The following ZNF33A variants were observed in gnomAD, a reference collection of about 807,000 sequenced individuals.
ZNF33A encodes the protein brain my041 protein.
A neutral mutation model predicts 15.9 loss-of-function variants in ZNF33A; 9 were observed. The observed-to-expected ratio is 0.57, with a 90% CI of 0.34 to 0.99. ZNF33A has a LOEUF of 0.99. ZNF33A is among the 50% of genes least tolerant of loss of function. The pLI, the probability that ZNF33A is intolerant of heterozygous loss-of-function variation, is 0.02. For missense variants in ZNF33A, 843 were observed against 941.6 expected (o/e 0.90, Z 1.37); for synonymous variants, 294 against 324.2 (o/e 0.91, Z 1.00).
At chr10:38,019,377 G>C (rs540639026) in intron 4 of ZNF33A, among the ~76,000 whole-genome samples, 63 of 152,230 alleles carry the variant, frequency 4.1e-4, no homozygotes, top group African/African-American at 1.4e-3. Context: ...TCTTAATCCA[G>C]TCTATTGTTG....
intron 4 of ZNF33A, among the ~76,000 whole-genome samples, chr10:38,041,003 G>GT (rs1461553187): frequency 6.6e-6 from 1 of 152,128 alleles, no homozygotes; most frequent in Non-Finnish European, 1.5e-5. Flanking sequence ...TAACTTGATC[G>GT]TAAGTCAAGG....
chr10:38,013,897 G>A (rs148874404), intron 2 of ZNF33A, among the ~76,000 whole-genome samples: 4 of 152,106 alleles, frequency 2.6e-5, no homozygotes, highest in African/African-American at 9.6e-5. Context: ...CTGCCGTCTT[G>A]TCCCCCTCAC....
intron 4 of ZNF33A, among the ~76,000 whole-genome samples, chr10:38,046,125 CT>C (rs2065938097): frequency 6.6e-6 from 1 of 152,104 alleles, no homozygotes; most frequent in Admixed American, 6.6e-5. Context: ...GGCTCAAGGC[CT>C]TTTGGCAGTT....
At chr10:38,017,892 C>T (rs868491224) in intron 4 of ZNF33A, among the ~76,000 whole-genome samples, 2 of 152,232 alleles carry the variant, frequency 1.3e-5, no homozygotes, top group South Asian at 4.1e-4. Flanking sequence ...GTCAGGAGTT[C>T]CACAACAGCC....
At chr10:38,030,243 C>T (rs532974596) in intron 4 of ZNF33A, among the ~76,000 whole-genome samples, 38 of 152,274 alleles carry the variant, frequency 2.5e-4, no homozygotes, top group African/African-American at 8.9e-4. Context: ...TCACTAGTTG[C>T]ACTGTTAGAC....
downstream of ZNF33A, among the ~76,000 whole-genome samples, chr10:38,066,150 C>G (rs2066707996): frequency 6.6e-6 from 1 of 152,152 alleles, no homozygotes. Context: ...AAACCCTGAC[C>G]ATAGGCTTTT....
intron 4 of ZNF33A, among the ~76,000 whole-genome samples, chr10:38,029,472 A>T (rs1345443365): frequency 6.6e-6 from 1 of 152,170 alleles, no homozygotes; most frequent in Non-Finnish European, 1.5e-5. Context: ...CTTTCCCACC[A>T]TTTGAAGTCG....
rs901310165 is a variant in ZNF33A at position 38,057,559 on chromosome 10, C to T, written c.*999C>T. On this transcript the variant is annotated 3_prime_UTR_variant, in exon 5 of 5. Coordinates refer to ENST00000432900, the MANE Select transcript of ZNF33A (RefSeq NM_006954.2). ...GGCCCATCCCAGATGTTTGTGATGT[C>T]CTGAAACAATTTAAAAGGAGACCCA... The T allele has an allele frequency of 1.0e-6, 1 of 984,356 alleles. No individual in the cohort carries two copies. The highest frequency in any genetic ancestry group is 1.1e-4 in the East Asian group (1 of 8,820). The allele number at this position is 984,356 out of a possible 1,614,324, so 61.0% of individuals were successfully genotyped here.
At chr10:38,062,312 G>A (rs993193311), downstream of ZNF33A, among the ~76,000 whole-genome samples, 6 of 152,150 alleles carry the variant, frequency 3.9e-5, no homozygotes, top group African/African-American at 1.4e-4. Flanking sequence ...CTAGTCTCAG[G>A]TGGTTTGTTA....
Position 38,056,499 on chromosome 10 carries a change from A to G in ZNF33A, c.2375A>G (p.His792Arg), listed in dbSNP as rs769188563. 1.1e-5 allele frequency: 17 copies of G among 1,611,458 alleles called. No individual in the cohort carries two copies. The Middle Eastern group carries it at 6.6e-4, about 63-fold the overall frequency. The change falls in exon 5 of 5, where the codon CAT (histidine) becomes CGT (arginine). Residue 792 changes from histidine (H) to arginine (R), a missense_variant. Transcript: ENST00000432900. Reference protein sequence around the residue: ...IRNFQPQVSLHNASEYSHCGE... With the variant: ...IRNFQPQVSLRNASEYSHCGE... ...AATTTCCAGCCACAAGTCAGCCTCC[A>G]TAATGCCTCAGAGTATTCACACTGT...
chr10:38,053,703 T>G (rs1590696543), intron 4 of ZNF33A, among the ~76,000 whole-genome samples: 1 of 152,206 alleles, frequency 6.6e-6, no homozygotes, highest in East Asian at 1.9e-4. Flanking sequence ...CTTTGCCTCT[T>G]TAGTTTGCAT....
chr10:38,012,121 TC>T (rs2064212839), intron 1 of ZNF33A, among the ~76,000 whole-genome samples, 176 bp from the exon 2 acceptor site: 1 of 152,308 alleles, frequency 6.6e-6, no homozygotes, highest in East Asian at 1.9e-4. Flanking sequence ...TACCGCCTAT[TC>T]CGAAGTGTTC....
rs2066386180 is a variant in ZNF33A at position 38,054,851 on chromosome 10, G to T, written c.727G>T (p.Glu243Ter). 6.2e-7 allele frequency: 1 copy of T among 1,613,440 alleles called. No individual in the cohort carries two copies. Among genetic ancestry groups the T allele is most frequent in the African/African-American group, 1.3e-5 (1 of 75,034 alleles). The change falls in exon 5 of 5, where the codon GAA (glutamate) becomes TAA (stop). Residue 243 changes from glutamate (E) to a stop codon, truncating the protein, a stop_gained. Coordinates refer to ENST00000432900, the MANE Select transcript of ZNF33A (RefSeq NM_006954.2). LOFTEE classifies it low-confidence loss of function (END_TRUNC). ...CAATACACAGAAGAGAGAGAACGCA[G>T]AAGAGAATAACTGTGATTATAATGA... ...VFNTQKRENA[E>*]ENNCDYNEFG...
At chr10:38,016,064 C>G (rs2064438344) in intron 2 of ZNF33A, 1 of 1,211,946 alleles carries the variant, frequency 8.3e-7, no homozygotes, top group South Asian at 4.2e-5. Context: ...TATAATGGTT[C>G]CAAAATCTTT....
intron 4 of ZNF33A, among the ~76,000 whole-genome samples, chr10:38,017,911 A>G (rs2064538474): frequency 6.6e-6 from 1 of 152,162 alleles, no homozygotes; most frequent in Non-Finnish European, 1.5e-5. Flanking sequence ...CCTGGCCAAC[A>G]TGGTGAAACC....
At chr10:38,022,448 A>T (rs2064790411) in intron 4 of ZNF33A, among the ~76,000 whole-genome samples, 1 of 151,988 alleles carries the variant, frequency 6.6e-6, no homozygotes. Flanking sequence ...CCTGAGGTCA[A>T]GAGTTCGTGA....
chr10:38,052,065 G>A (rs2066234375), intron 4 of ZNF33A, among the ~76,000 whole-genome samples: 1 of 151,912 alleles, frequency 6.6e-6, no homozygotes, highest in South Asian at 2.1e-4. Flanking sequence ...CCAATATCAG[G>A]AACATGACAA....
chr10:38,016,351 T>C (rs879146817), intron 2 of ZNF33A, among the ~76,000 whole-genome samples: 1 of 152,208 alleles, frequency 6.6e-6, no homozygotes, highest in South Asian at 2.1e-4. Flanking sequence ...TGGCTTTTTT[T>C]CTCAAGACAG....
intron 4 of ZNF33A, among the ~76,000 whole-genome samples, chr10:38,029,472 A>G (rs1345443365): frequency 1.3e-5 from 2 of 152,170 alleles, no homozygotes; most frequent in Non-Finnish European, 2.9e-5. Flanking sequence ...CTTTCCCACC[A>G]TTTGAAGTCG....
Sources: gnomAD v4.1 joint callset for allele counts (sites outside exome capture counted in the v4.1 genomes callset) on GRCh38, gnomAD v4.1.1 for gene constraint, MANE v1.5 for transcripts, NCBI Gene and HGNC (gene_info 2026-07-23, HGNC 2026-07-21) for gene names.